The following EEF2 variants were observed in gnomAD, a reference collection of about 807,000 sequenced individuals.
EEF2 encodes eukaryotic translation elongation factor 2.
EEF2 carries 21 observed loss-of-function variants against 85.3 expected under a neutral mutation model. The ratio of observed to expected loss-of-function variants is 0.25; its 90% CI spans 0.17 to 0.35. EEF2 has a LOEUF of 0.35. EEF2 is among the 10% of genes least tolerant of loss of function. The pLI is 1.00. For missense variants in EEF2, 825 were observed against 1,225.3 expected, an observed-to-expected ratio of 0.67 and a Z score of 4.88; for synonymous variants, 723 against 508.8, an observed-to-expected ratio of 1.42 and a Z score of -5.67.
At position 3,981,003 on chromosome 19, in the gene EEF2, T is replaced by A. The variant is rs770916777; in HGVS notation, c.1012-24A>T. 1.9e-6 allele frequency: 3 copies of A among 1,559,302 alleles called. No individual in the cohort carries two copies. The South Asian group carries it at 3.5e-5, about 18-fold the overall frequency. ...GCCTGCGGGGGCAGAGAGCGGTGCA[T>A]GAGACACCTGGGGAGCCCAGGATGG... On this transcript the variant is annotated intron_variant, in intron 7 of 14. Coordinates refer to ENST00000309311, the MANE Select transcript of EEF2 (RefSeq NM_001961.4).
rs570734901 is a variant in EEF2 at position 3,976,196 on chromosome 19, G to A, written c.*358C>T. 14 of 254,708 alleles carry A rather than the reference G, an allele frequency of 5.5e-5. No individual in the cohort carries two copies. The highest frequency in any genetic ancestry group is 5.2e-4 in the South Asian group (11 of 21,302). 15.8% of individuals were successfully genotyped at this position (254,708 alleles called of 1,614,324 possible). A position where few individuals can be genotyped will look rare whatever the true frequency, so the allele number is the denominator to read the frequency against. On this transcript the variant is annotated 3_prime_UTR_variant, in exon 15 of 15. Coordinates refer to ENST00000309311, the MANE Select transcript of EEF2 (RefSeq NM_001961.4). ...CCCTTTCTGGGGCAAAAGCCACTGC[G>A]GGCCATGTACCCAAATAAACCTCTT...
Position 3,982,827 on chromosome 19 carries a change from C to T in EEF2, c.592G>A (p.Gly198Ser). 1.2e-6 allele frequency: 2 copies of T among 1,612,016 alleles called. No homozygotes were observed. Among genetic ancestry groups the T allele is most frequent in the South Asian group, 1.1e-5 (1 of 90,758 alleles). ...CGTACCATGATGTTGCCCATGGGGC[C>T]GCTCTCGCCCTCGCCGTAGGTGGAG... ...IISTYGEGES[G>S]PMGNIMIDPV... Residue 198 changes from glycine to serine, a missense_variant, in exon 4 of 15, where the codon GGC becomes AGC. Gly to Ser is a moderately conservative substitution (Grantham distance 56, BLOSUM62 0). Coordinates refer to ENST00000309311, the MANE Select transcript of EEF2 (RefSeq NM_001961.4).
At chr19:3,983,590 C>G (rs142408703) in intron 2 of EEF2, among the ~76,000 whole-genome samples, 314 of 152,248 alleles carry the variant, frequency 2.1e-3, no homozygotes, top group African/African-American at 7.1e-3. Flanking sequence ...CTAAAAGACC[C>G]AGCAGGACGG....
intron 6 of EEF2, 38 bp from the exon 7 acceptor site, chr19:3,981,490 G>C (rs759982952): frequency 3.7e-5 from 59 of 1,584,660 alleles, no homozygotes; most frequent in East Asian, 2.9e-4. Flanking sequence ...GCCCATTTGG[G>C]AACAGCAGGA....
chr19:3,984,405 G>T (rs1024541795), intron 1 of EEF2, 55 bp from the exon 2 acceptor site: 2 of 1,578,444 alleles, frequency 1.3e-6, no homozygotes, highest in African/African-American at 1.3e-5. Flanking sequence ...ACACAGCATG[G>T]CACGGAGCGT....
Position 3,981,334 on chromosome 19 carries a change from C to T in EEF2, c.1011+5G>A, listed in dbSNP as rs770699529. On this transcript the variant is annotated splice_donor_5th_base_variant and intron_variant, in intron 7 of 14. Transcript: ENST00000309311. ...TCCACCCCGAGGGCTGGGCCCAGGC[C>T]GCACCTTCAGCAGGGGTTTGCCTTC... 3.8e-5 allele frequency: 61 copies of T among 1,613,476 alleles called. No individual in the cohort carries two copies. The highest frequency in any genetic ancestry group is 8.8e-5 in the South Asian group (8 of 91,080).
chr19:3,983,037 G>T lies in EEF2; in HGVS notation c.401-19C>A. 6.2e-7 allele frequency: 1 copy of T among 1,611,962 alleles called. No individual in the cohort carries two copies. Among genetic ancestry groups the T allele is most frequent in the Non-Finnish European group, 8.5e-7 (1 of 1,179,012 alleles). The stretch of plus-strand genomic sequence containing the variant: ...CACACGCCTGGGGACACGGGGGACA[G>T]GGCGGCGCTGTCATCCTCAAGCAAG... On this transcript the variant is annotated intron_variant, in intron 3 of 14. Transcript: ENST00000309311.
intron 2 of EEF2, 56 bp downstream of exon 2, chr19:3,984,079 CT>C: frequency 6.3e-7 from 1 of 1,591,354 alleles, no homozygotes; most frequent in Non-Finnish European, 8.6e-7. Flanking sequence ...GCCCAGTGGC[CT>C]CCAGCTGCCA....
At chr19:3,980,142 C>T (rs1279321919) in intron 9 of EEF2, 76 bp from the exon 10 acceptor site, 1 of 1,541,046 alleles carries the variant, frequency 6.5e-7, no homozygotes, top group African/African-American at 1.4e-5. Context: ...CAGGTCCCTC[C>T]CGGAGTTGGT....
chr19:3,982,602 C>T (rs757521383), intron 4 of EEF2, 178 bp from the exon 5 acceptor site: 1 of 1,055,518 alleles, frequency 9.5e-7, no homozygotes, highest in Non-Finnish European at 1.4e-6. Flanking sequence ...CCACCCAGGG[C>T]AGCGTTCCCT....
chr19:3,980,747 G>C, intron 8 of EEF2, 38 bp from the exon 9 acceptor site: 1 of 1,605,378 alleles, frequency 6.2e-7, no homozygotes, highest in East Asian at 2.2e-5. Context: ...TTATTCCAGT[G>C]CAGCTCAGCC....
chr19:3,977,790 T>C lies in EEF2; in HGVS notation c.2067+29A>G, dbSNP rs2039696332. On this transcript the variant is annotated intron_variant, in intron 12 of 14. Coordinates refer to ENST00000309311, the MANE Select transcript of EEF2 (RefSeq NM_001961.4). This position sits in a 1 kb window ranked among gnomAD's most constrained non-coding sequence, Gnocchi z 5.4. The stretch of plus-strand genomic sequence containing the variant: ...TCCCTCTAGAGCCTGGAAACGGGTG[T>C]GGTCTGCACATGCTGAGCCGTGCCT... The C allele has an allele frequency of 6.5e-7, 1 of 1,540,896 alleles. No individual in the cohort carries two copies. The highest frequency in any genetic ancestry group is 1.2e-5 in the South Asian group (1 of 81,640).
At chr19:3,979,302 G>A (rs1377295155) in intron 11 of EEF2, 27 bp downstream of exon 11, 5 of 1,589,606 alleles carry the variant, frequency 3.1e-6, no homozygotes, top group Non-Finnish European at 4.3e-6. Context: ...GGTGGGGCGT[G>A]GGGAAGGCTG....
chr19:3,979,480 A>G, intron 10 of EEF2, 44 bp from the exon 11 acceptor site: 5 of 1,546,284 alleles, frequency 3.2e-6, no homozygotes, highest in Non-Finnish European at 4.4e-6. Flanking sequence ...GGCGGCTCGG[A>G]ACAGGCGGGA....
chr19:3,979,862 C>T lies in EEF2; in HGVS notation c.1551G>A (p.Leu517=). The change falls in exon 10 of 15, where the codon CTG becomes CTA. Residue 517 remains leucine, a synonymous_variant. Coordinates refer to ENST00000309311, the MANE Select transcript of EEF2 (RefSeq NM_001961.4). ...VAVEAKNPAD[L]PKLVEGLKRL... is the part of the protein sequence containing the mutation. ...GCTTCAGCCCCTCCACCAGCTTGGG[C>T]AGGTCAGCCGGGTTCTTGGCCTCCA... The T allele has an allele frequency of 6.2e-7, 1 of 1,613,810 alleles. No individual in the cohort carries two copies. Among genetic ancestry groups the T allele is most frequent in the Non-Finnish European group, 8.5e-7 (1 of 1,180,034 alleles).
In EEF2 at chr19:3,979,327, A is replaced by G; in HGVS notation, c.1713+2T>C. ...GGGGAAGGCTGGTCACTGGCGCCTC[A>G]CCTTGATGGGGATGCAGGCGTGGTC... On this transcript the variant is annotated splice_donor_variant, in intron 11 of 14. Transcript: ENST00000309311. LOFTEE classifies it high-confidence loss of function. The G allele has an allele frequency of 6.2e-7, 1 of 1,613,388 alleles. No individual in the cohort carries two copies. Among genetic ancestry groups the G allele is most frequent in the Non-Finnish European group, 8.5e-7 (1 of 1,179,472 alleles).
intron 11 of EEF2, among the ~76,000 whole-genome samples, chr19:3,978,379 C>T (rs757139913): frequency 3.9e-5 from 6 of 152,158 alleles, no homozygotes; most frequent in Middle Eastern, 6.3e-3. Flanking sequence ...CTGAGCTCTC[C>T]GGCGCAGAAA....
In EEF2 at chr19:3,985,434, C is replaced by CCGAGGATGGCGGCGA; in HGVS notation, c.-69_-55dup. The CCGAGGATGGCGGCGA allele has an allele frequency of 1.4e-6, 2 of 1,456,738 alleles. No homozygotes were observed. The highest frequency in any genetic ancestry group is 1.8e-6 in the Non-Finnish European group (2 of 1,098,740). The allele number at this position is 1,456,738 out of a possible 1,614,324, so 90.2% of individuals were successfully genotyped here. ...GTAGAACCGAAAGAAGCGAGTCGCG[C>CCGAGGATGGCGGCGA]CGAGGATGGCGGCGACGACGGCGGA... On this transcript the variant is annotated 5_prime_UTR_variant, in exon 1 of 15. Coordinates refer to ENST00000309311, the MANE Select transcript of EEF2 (RefSeq NM_001961.4).
rs35805642 is a variant in EEF2 at position 3,977,291 on chromosome 19, G to C, written c.2307C>G (p.His769Gln). 1 of 1,608,424 alleles carries C rather than the reference G, an allele frequency of 6.2e-7. No individual in the cohort carries two copies. Among genetic ancestry groups the C allele is most frequent in the Non-Finnish European group, 8.5e-7 (1 of 1,177,482 alleles). Residue 769 changes from histidine (H) to glutamine (Q), a missense_variant, in exon 14 of 15, where the codon CAC becomes CAG. Physicochemically the swap from His to Gln is conservative, Grantham distance 24. Transcript: ENST00000309311. The surrounding 1 kb of genome is among the most constrained non-coding windows in gnomAD (Gnocchi z 5.4). ...IYGVLNRKRG[H>Q]VFEESQVAGT... ...CGGCCACCTGGGACTCCTCGAACAC[G>C]TGGCCCCGCTTCCTGTTCAAAACCC...
Sources: gnomAD v4.1 joint callset for allele counts (sites outside exome capture counted in the v4.1 genomes callset) on GRCh38, gnomAD v4.1.1 for gene constraint, Gnocchi (gnomAD v3.1) non-coding constraint, MANE v1.5 for transcripts, NCBI Gene and HGNC (gene_info 2026-07-23, HGNC 2026-07-21) for gene names.